The following SDSL variants were observed in gnomAD, a reference collection of about 807,000 sequenced individuals.
The protein encoded by SDSL is serine dehydratase-like.
A neutral mutation model predicts 27.6 loss-of-function variants in SDSL; 26 were observed. The ratio of observed to expected loss-of-function variants is 0.94; its 90% CI spans 0.69 to 1.31. The LOEUF is 1.31. Among genes scored for constraint, SDSL ranks in the 50% most tolerant of loss-of-function variants. SDSL has a pLI of 0.00. For synonymous variants in SDSL, 196 were observed against 180.6 expected (o/e 1.09, Z -0.69); for missense variants, 431 against 423.5 (o/e 1.02, Z -0.16).
chr12:113,438,207 A>G lies in SDSL; in HGVS notation c.*128A>G. 1.3e-6 allele frequency: 1 copy of G among 770,466 alleles called. No homozygotes were observed. The highest frequency in any genetic ancestry group is 2.1e-6 in the Non-Finnish European group (1 of 483,806). The allele number at this position is 770,466 out of a possible 1,614,324, so 47.7% of individuals were successfully genotyped here. A position where few individuals can be genotyped will look rare whatever the true frequency, so the allele number is the denominator to read the frequency against. ...GTGCAACTGTGCTGGCTGCCTCCTGAAGGAAGCCCTCCTGGACTGCTTCTT... is the reference window on the plus strand; with the variant it reads ...GTGCAACTGTGCTGGCTGCCTCCTGGAGGAAGCCCTCCTGGACTGCTTCTT... On this transcript the variant is annotated 3_prime_UTR_variant, in exon 8 of 8. Transcript: ENST00000403593.
rs545492447 is a variant in SDSL, at chr12:113,437,122, T to C, written c.796+247T>C. On this transcript the variant is annotated intron_variant, in intron 7 of 7. Transcript: ENST00000403593. ...TCTCTCTGGCTGGCCCTGCTCCCTA[T>C]TGGTTTGATGTGACTGAGGGCTATC... is the stretch of plus-strand genomic sequence containing the variant. 16 of 279,058 alleles carry C rather than the reference T, an allele frequency of 5.7e-5. No individual in the cohort carries two copies. The South Asian group carries it at 1.0e-3, about 18-fold the overall frequency. The allele number at this position is 279,058 out of a possible 1,614,324, so 17.3% of individuals were successfully genotyped here. A position where few individuals can be genotyped will look rare whatever the true frequency, so the allele number is the denominator to read the frequency against.
Position 113,435,512 on chromosome 12 carries a change from G to T in SDSL, c.627G>T (p.Ala209=). 1 of 1,614,024 alleles carries T rather than the reference G, an allele frequency of 6.2e-7. No individual in the cohort carries two copies. Among genetic ancestry groups the T allele is most frequent in the Non-Finnish European group, 8.5e-7 (1 of 1,179,958 alleles). Reference sequence around the variant, plus strand: ...CCCATGGGGCACACTGCTTCAATGCGGCCATCACAGCCGGCAAGCTGGTCA... The same window carrying T: ...CCCATGGGGCACACTGCTTCAATGCTGCCATCACAGCCGGCAAGCTGGTCA... ...METHGAHCFN[A]AITAGKLVTL... is the part of the protein sequence containing the mutation. The change falls in exon 6 of 8, where the codon GCG becomes GCT. Residue 209 remains alanine (A), a synonymous_variant. Coordinates refer to ENST00000403593, the MANE Select transcript of SDSL (RefSeq NM_001304993.2).
At chr12:113,424,143 C>T (rs1482664201) in intron 1 of SDSL, among the ~76,000 whole-genome samples, 2 of 152,176 alleles carry the variant, frequency 1.3e-5, no homozygotes, top group Non-Finnish European at 2.9e-5. Flanking sequence ...CTGCCTCAGC[C>T]TCCCGAGTAG....
Position 113,437,893 on chromosome 12 carries a change from G to T in SDSL, c.804G>T (p.Glu268Asp). Residue 268 changes from glutamate to aspartate, a missense_variant, in exon 8 of 8, where the codon GAG becomes GAT. Coordinates refer to ENST00000403593, the MANE Select transcript of SDSL (RefSeq NM_001304993.2). ...VSAVQQLLDD[E>D]RMLVEPACGA... ...ATCCCCCGATCCTGGCAGATGATGA[G>T]CGTATGCTGGTGGAGCCTGCCTGTG... 6.2e-7 allele frequency: 1 copy of T among 1,605,838 alleles called. No individual in the cohort carries two copies. Among genetic ancestry groups the T allele is most frequent in the Non-Finnish European group, 8.5e-7 (1 of 1,176,534 alleles).
At chr12:113,426,391 C>T in intron 1 of SDSL, 1 of 352,030 alleles carries the variant, frequency 2.8e-6, no homozygotes, top group Non-Finnish European at 5.8e-6. Flanking sequence ...CCCCAAACCA[C>T]AACCAACCAC....
chr12:113,429,422 C>T, intron 4 of SDSL, 123 bp downstream of exon 4: 1 of 1,105,520 alleles, frequency 9.0e-7, no homozygotes, highest in Non-Finnish European at 1.3e-6. Flanking sequence ...AGTCCTCTCT[C>T]AGGATAGCTG....
intron 1 of SDSL, among the ~76,000 whole-genome samples, chr12:113,425,202 C>G (rs1957833166): frequency 6.6e-6 from 1 of 152,160 alleles, no homozygotes; most frequent in Non-Finnish European, 1.5e-5. Flanking sequence ...GACCCCAAAG[C>G]CTGTGCTCTT....
chr12:113,428,321 C>G, intron 2 of SDSL, 99 bp from the exon 3 acceptor site: 1 of 1,337,950 alleles, frequency 7.5e-7, no homozygotes, highest in Non-Finnish European at 1.0e-6. Flanking sequence ...GGGGTAAAGG[C>G]GTATTGGGAG....
At chr12:113,430,778 G>T (rs1463386267) in intron 4 of SDSL, among the ~76,000 whole-genome samples, 1 of 152,134 alleles carries the variant, frequency 6.6e-6, no homozygotes, top group Non-Finnish European at 1.5e-5. Context: ...TAAATAAATA[G>T]ATAAAAAACC....
In SDSL at chr12:113,437,994, C is replaced by T. The variant is rs536283428; in HGVS notation, c.905C>T (p.Thr302Ile). ...GAGGGCTGCCTGCCCCCTTCCCTGA[C>T]TTCAGTTGTGGTAATCGTGTGTGGA... Reference protein sequence around the residue: ...QAEGCLPPSLTSVVVIVCGGN... With the variant: ...QAEGCLPPSLISVVVIVCGGN... Residue 302 changes from threonine to isoleucine, a missense_variant, in exon 8 of 8, where the codon ACT becomes ATT. By Grantham distance (89) the Thr-to-Ile change is moderately conservative. Coordinates refer to ENST00000403593, the MANE Select transcript of SDSL (RefSeq NM_001304993.2). 6.0e-5 allele frequency: 97 copies of T among 1,614,118 alleles called. No homozygotes were observed. The highest frequency in any genetic ancestry group is 3.3e-4 in the Middle Eastern group (2 of 6,084).
At chr12:113,435,021 A>G (rs1310634825) in intron 5 of SDSL, among the ~76,000 whole-genome samples, 1 of 152,214 alleles carries the variant, frequency 6.6e-6, no homozygotes, top group Non-Finnish European at 1.5e-5. Flanking sequence ...AGGCTGAGGC[A>G]GGAGAATCGC....
intron 7 of SDSL, 89 bp downstream of exon 7, chr12:113,436,964 C>T: frequency 7.6e-7 from 1 of 1,323,690 alleles, no homozygotes. Context: ...TATCTGTATC[C>T]TCAGCACCAG....
At position 113,429,245 on chromosome 12, in the gene SDSL, G is replaced by A. The variant is rs1957889652; in HGVS notation, c.300G>A (p.Leu100=). ...ATIVLPESTS[L]QVVQRLQGEG... Reference sequence around the variant, plus strand: ...TCGTGCTCCCCGAGAGCACCTCCCTGCAGGTGGTGCAGAGGCTGCAGGGGG... The same window carrying A: ...TCGTGCTCCCCGAGAGCACCTCCCTACAGGTGGTGCAGAGGCTGCAGGGGG... The change falls in exon 4 of 8, where the codon CTG becomes CTA. Residue 100 remains leucine (L), a synonymous_variant. Coordinates refer to ENST00000403593, the MANE Select transcript of SDSL (RefSeq NM_001304993.2). The A allele has an allele frequency of 2.5e-6, 4 of 1,613,622 alleles. No individual in the cohort carries two copies. The African/African-American group carries it at 4.0e-5, about 16-fold the overall frequency.
intron 1 of SDSL, among the ~76,000 whole-genome samples, chr12:113,424,692 G>A (rs948431827): frequency 4.0e-5 from 6 of 151,864 alleles, no homozygotes; most frequent in Non-Finnish European, 8.8e-5. Context: ...CTGATGACTG[G>A]CACATAATAG....
At chr12:113,423,606 G>C (rs1304487191) in intron 1 of SDSL, among the ~76,000 whole-genome samples, 2 of 152,218 alleles carry the variant, frequency 1.3e-5, no homozygotes, top group Admixed American at 6.5e-5. Context: ...GCCGGATACA[G>C]TGGTGCATGT....
intron 2 of SDSL, 91 bp from the exon 3 acceptor site, chr12:113,428,329 G>A: frequency 1.4e-6 from 2 of 1,380,808 alleles, no homozygotes; most frequent in Non-Finnish European, 2.0e-6. Context: ...GGCGTATTGG[G>A]AGTGGGATGG....
At chr12:113,428,541 G>C in intron 3 of SDSL, 82 bp downstream of exon 3, 1 of 1,305,990 alleles carries the variant, frequency 7.7e-7, no homozygotes, top group Non-Finnish European at 1.1e-6. Context: ...TCCAGGGTTG[G>C]TCTCCTCTTA....
chr12:113,434,867 C>T (rs1957969556), intron 5 of SDSL, among the ~76,000 whole-genome samples: 1 of 152,226 alleles, frequency 6.6e-6, no homozygotes, highest in Admixed American at 6.5e-5. Context: ...GTAATCCCAG[C>T]ACTTTGGGAG....
chr12:113,426,333 A>G (rs1593308880), intron 1 of SDSL: 2 of 441,336 alleles, frequency 4.5e-6, no homozygotes, highest in East Asian at 7.1e-5. Context: ...CCCTCAGCCA[A>G]TCAAAATGCA....
Sources: allele counts gnomAD v4.1 joint callset (sites outside exome capture counted in the v4.1 genomes callset), GRCh38; gene constraint gnomAD v4.1.1; transcripts MANE v1.5; gene names NCBI Gene and HGNC (gene_info 2026-07-23, HGNC 2026-07-21).